Variants in KIF13B observed in about 807,000 individuals in gnomAD.
The protein encoded by KIF13B is kinesin family member 13B.
A neutral mutation model predicts 222.0 loss-of-function variants in KIF13B; 127 were observed. That is an observed-to-expected ratio of 0.57 (90% CI 0.50 to 0.66). KIF13B has a LOEUF of 0.66. Among genes scored for constraint, KIF13B ranks in the 30% least tolerant of loss-of-function variants. The pLI, the probability that KIF13B is intolerant of heterozygous loss-of-function variation, is 0.00. For missense variants in KIF13B, 2,173 were observed against 2,379.0 expected, an observed-to-expected ratio of 0.91 and a Z score of 1.80; for synonymous variants, 976 against 919.0, an observed-to-expected ratio of 1.06 and a Z score of -1.12.
chr8:29,156,452 C>T (rs149406056), intron 13 of KIF13B, among the ~76,000 whole-genome samples: 8 of 152,218 alleles, frequency 5.3e-5, no homozygotes, highest in East Asian at 3.9e-4. Context: ...GAGCTACATA[C>T]TTTAGTTCCG....
At chr8:29,262,829 G>C (rs1030783085) in intron 1 of KIF13B, 151 bp downstream of exon 1, 2 of 544,148 alleles carry the variant, frequency 3.7e-6, no homozygotes, top group Non-Finnish European at 6.2e-6. Context: ...GTCTCAGCGC[G>C]GGAGCGGGTT....
At chr8:29,207,517 G>A (rs1046879527) in intron 2 of KIF13B, among the ~76,000 whole-genome samples, 1 of 152,080 alleles carries the variant, frequency 6.6e-6, no homozygotes, top group African/African-American at 2.4e-5. Flanking sequence ...GAAATGACGA[G>A]CTTGTCTAAA....
intron 2 of KIF13B, among the ~76,000 whole-genome samples, chr8:29,228,472 A>AAAAAAAAAAAATATATATATATAT: frequency 5.1e-5 from 6 of 117,080 alleles, no homozygotes; most frequent in African/African-American, 1.3e-4. Flanking sequence ...ATCTTAAAAA[A>AAAAAAAAAAAATATATATATATAT]ATATATATAT....
intron 2 of KIF13B, among the ~76,000 whole-genome samples, chr8:29,206,379 G>A (rs1813941287): frequency 6.6e-6 from 1 of 152,228 alleles, no homozygotes; most frequent in Non-Finnish European, 1.5e-5. Flanking sequence ...ATGATGCAAT[G>A]TCTTGGGGTT....
At position 29,123,252 on chromosome 8, in the gene KIF13B, T is replaced by C; in HGVS notation, c.3479+114A>G. ...AACAGTTCCTTTAATTTAAACAACATTTCCCCCCATGCTATTGACTCTTCC... is the reference window on the plus strand; with the variant it reads ...AACAGTTCCTTTAATTTAAACAACACTTCCCCCCATGCTATTGACTCTTCC... On this transcript the variant is annotated intron_variant, in intron 28 of 39. Transcript: ENST00000524189. The C allele has an allele frequency of 6.0e-6, 7 of 1,169,112 alleles. No homozygotes were observed. In the East Asian group the frequency reaches 1.2e-4, roughly 21 times the overall value. The allele number at this position is 1,169,112 out of a possible 1,614,324, so 72.4% of individuals were successfully genotyped here.
At chr8:29,222,940 G>A (rs1488110421) in intron 2 of KIF13B, among the ~76,000 whole-genome samples, 4 of 151,912 alleles carry the variant, frequency 2.6e-5, no homozygotes, top group African/African-American at 9.7e-5. Flanking sequence ...CAATTTATGG[G>A]ACAATTTGTT....
chr8:29,228,472 A>AAAAAAAAAAT, intron 2 of KIF13B, among the ~76,000 whole-genome samples: 2 of 117,082 alleles, frequency 1.7e-5, no homozygotes, highest in African/African-American at 3.3e-5. Context: ...ATCTTAAAAA[A>AAAAAAAAAAT]ATATATATAT....
rs1213672375 is a variant in KIF13B at position 29,071,917 on chromosome 8, C to T, written c.4921G>A (p.Ala1641Thr). Residue 1641 changes from alanine to threonine, a missense_variant, in exon 39 of 40, where the codon GCG (alanine) becomes ACG (threonine). Ala to Thr is a moderately conservative substitution (Grantham distance 58, BLOSUM62 0). Coordinates refer to ENST00000524189, the MANE Select transcript of KIF13B (RefSeq NM_015254.4). This position sits in a 1 kb window ranked among gnomAD's most constrained non-coding sequence, Gnocchi z 4.9. ...CGGACGCGGAACGGGGAGCCGGGCG[C>T]CGGGGCCTCGAGGTCGGGGCGCTCC... ...GRERPDLEAPAPGSPFRVRRV... is the reference protein window; with the variant it reads ...GRERPDLEAPTPGSPFRVRRV... 1 of 1,442,148 alleles carries T rather than the reference C, an allele frequency of 6.9e-7. No homozygotes were observed. The highest frequency in any genetic ancestry group is 9.0e-7 in the Non-Finnish European group (1 of 1,109,996). The allele number at this position is 1,442,148 out of a possible 1,614,324, so 89.3% of individuals were successfully genotyped here.
intron 1 of KIF13B, among the ~76,000 whole-genome samples, chr8:29,252,841 G>A (rs950916759): frequency 6.6e-6 from 1 of 151,992 alleles, no homozygotes; most frequent in Admixed American, 6.6e-5. Context: ...ATTGAGATCT[G>A]CTGACCCTGG....
intron 2 of KIF13B, among the ~76,000 whole-genome samples, chr8:29,196,941 T>C (rs1304785763): frequency 6.6e-6 from 1 of 152,140 alleles, no homozygotes; most frequent in African/African-American, 2.4e-5. Flanking sequence ...ACTTACTGAA[T>C]TACTCACTAC....
At chr8:29,245,293 T>C (rs1815972094) in intron 2 of KIF13B, 53 bp downstream of exon 2, 1 of 1,216,936 alleles carries the variant, frequency 8.2e-7, no homozygotes. Flanking sequence ...GCAGCCACAG[T>C]TGCTTCCAGT....
At chr8:29,210,794 T>C (rs1409645066) in intron 2 of KIF13B, among the ~76,000 whole-genome samples, 1 of 152,198 alleles carries the variant, frequency 6.6e-6, no homozygotes, top group Non-Finnish European at 1.5e-5. Flanking sequence ...TTTTCATCAA[T>C]ATGAGCCACA....
intron 8 of KIF13B, among the ~76,000 whole-genome samples, chr8:29,177,837 A>G (rs190526816): frequency 1.3e-5 from 2 of 152,334 alleles, no homozygotes; most frequent in South Asian, 2.1e-4. Context: ...TGAGCCCAGA[A>G]GTTCCAGGCT....
At chr8:29,120,336 G>A (rs1320945363) in intron 29 of KIF13B, among the ~76,000 whole-genome samples, 4 of 98,308 alleles carry the variant, frequency 4.1e-5, no homozygotes, top group Non-Finnish European at 8.1e-5. Context: ...CCCCTCCCCC[G>A]ACCCCACCAC....
At chr8:29,194,986 G>C (rs563266885) in intron 3 of KIF13B, among the ~76,000 whole-genome samples, 1 of 152,228 alleles carries the variant, frequency 6.6e-6, no homozygotes, top group East Asian at 1.9e-4. Flanking sequence ...GGTCGCTCAC[G>C]CCTGTAATCC....
At chr8:29,226,503 C>G (rs1044075259) in intron 2 of KIF13B, among the ~76,000 whole-genome samples, 1 of 152,076 alleles carries the variant, frequency 6.6e-6, no homozygotes, top group Non-Finnish European at 1.5e-5. Flanking sequence ...GTAGGTGGCC[C>G]GGAAAGCCCA....
Position 29,140,206 on chromosome 8 carries a change from G to C in KIF13B, c.2485-15C>G, listed in dbSNP as rs762854966. On this transcript the variant is annotated splice_polypyrimidine_tract_variant and intron_variant, in intron 20 of 39. Transcript: ENST00000524189. ...CGACCTGCCACCTGCAGCAATGAGG[G>C]AAGGCAGAAACATTTCTCCAGATTT... 6.2e-7 allele frequency: 1 copy of C among 1,613,000 alleles called. No homozygotes were observed. Among genetic ancestry groups the C allele is most frequent in the South Asian group, 1.1e-5 (1 of 90,994 alleles).
intron 21 of KIF13B, among the ~76,000 whole-genome samples, chr8:29,137,885 C>T (rs1259382391): frequency 6.6e-6 from 1 of 152,166 alleles, no homozygotes; most frequent in Non-Finnish European, 1.5e-5. Context: ...CAAGGGCCAA[C>T]TGAAGCGGCT....
chr8:29,151,149 G>A (rs1361771730), intron 14 of KIF13B, among the ~76,000 whole-genome samples: 1 of 152,188 alleles, frequency 6.6e-6, no homozygotes, highest in Non-Finnish European at 1.5e-5. Context: ...TGGTCTGGAT[G>A]GAAAATCAAC....
Sources: allele counts gnomAD v4.1 joint callset (sites outside exome capture counted in the v4.1 genomes callset), GRCh38; gene constraint gnomAD v4.1.1; non-coding constraint Gnocchi (gnomAD v3.1); transcripts MANE v1.5; gene names NCBI Gene and HGNC (gene_info 2026-07-23, HGNC 2026-07-21).